PRKN: variants seen among roughly 807,000 people sequenced by gnomAD.
PRKN encodes parkin RBR E3 ubiquitin protein ligase.
Under a neutral mutation model 59.5 loss-of-function variants are expected in PRKN, and 56 were observed. The observed-to-expected ratio is 0.94, with a 90% CI of 0.76 to 1.18. PRKN has a LOEUF of 1.18. Ranked by LOEUF, PRKN falls within the 50% of genes most tolerant of loss-of-function variation. PRKN has a pLI of 0.00. For synonymous variants in PRKN, 250 were observed against 222.1 expected (o/e 1.13, Z -1.12); for missense variants, 657 against 596.4 (o/e 1.10, Z -1.06).
rs763594634 is a variant in PRKN, at chr6:161,533,957, G to C, written c.1083+14897C>G. Among the ~76,000 whole-genome samples, 2 of 152,096 alleles carry C rather than the reference G, an allele frequency of 1.3e-5. No individual in the cohort carries two copies. Among genetic ancestry groups the C allele is most frequent in the Non-Finnish European group, 1.5e-5 (1 of 68,034 alleles). On this transcript the variant is annotated intron_variant, in intron 9 of 11. Transcript: ENST00000366898. The surrounding 1 kb of genome is among the most constrained non-coding windows in gnomAD (Gnocchi z 4.1). ...TATTCACACGACACTCGCCGTCACA[G>C]TGGTCTCTGTGACTTCAGTGAACCC...
At chr6:161,885,678 A>G (rs1460117004) in intron 6 of PRKN, among the ~76,000 whole-genome samples, 1 of 151,340 alleles carries the variant, frequency 6.6e-6, no homozygotes, top group Non-Finnish European at 1.5e-5. Context: ...AAAAAAAAAA[A>G]AAAAAGAATG....
intron 7 of PRKN, among the ~76,000 whole-genome samples, chr6:161,646,912 C>A (rs1783977208): frequency 6.6e-6 from 1 of 152,122 alleles, no homozygotes; most frequent in Admixed American, 6.5e-5. Flanking sequence ...CTAAATTTGG[C>A]CCCTGTAGGA....
At chr6:161,719,206 C>T (rs148676038) in intron 7 of PRKN, among the ~76,000 whole-genome samples, 72 of 149,984 alleles carry the variant, frequency 4.8e-4, no homozygotes, top group African/African-American at 1.7e-3. Context: ...GTTGTGCTGA[C>T]AGTCTTCATT....
chr6:162,209,914 A>G (rs1033782096), intron 3 of PRKN, among the ~76,000 whole-genome samples: 5 of 151,226 alleles, frequency 3.3e-5, no homozygotes, highest in African/African-American at 7.3e-5. Flanking sequence ...CAATGAGAAC[A>G]CTTGGATGCA....
chr6:162,072,282 C>T (rs929657424), intron 4 of PRKN, among the ~76,000 whole-genome samples: 67 of 151,566 alleles, frequency 4.4e-4, no homozygotes, highest in African/African-American at 1.5e-3. Flanking sequence ...AGCGAGACTC[C>T]GTCCAAAAAA....
chr6:161,639,049 C>A (rs575658473), intron 7 of PRKN, among the ~76,000 whole-genome samples: 1 of 152,096 alleles, frequency 6.6e-6, no homozygotes, highest in Non-Finnish European at 1.5e-5. Context: ...GCCGATCTGA[C>A]GGTTTTTCCC....
Position 161,357,733 on chromosome 6 carries a change from A to G in PRKN, c.1285+2355T>C, listed in dbSNP as rs114665143. ...CACACATTTGTTTCAAAACAGACAT[A>G]TGTGCCACTTGCTTTGAAATTCTGA... On this transcript the variant is annotated intron_variant, in intron 11 of 11. Transcript: ENST00000366898. The surrounding 1 kb of genome is among the most constrained non-coding windows in gnomAD (Gnocchi z 5.5). Among the ~76,000 whole-genome samples the G allele has an allele frequency of 9.6e-3, 1,468 of 152,326 alleles. 27 individuals carry two copies. Among genetic ancestry groups the G allele is most frequent in the African/African-American group, 0.034 (1,407 of 41,562 alleles).
intron 1 of PRKN, among the ~76,000 whole-genome samples, chr6:162,682,259 A>G (rs1244332959): frequency 1.3e-5 from 2 of 152,048 alleles, no homozygotes; most frequent in African/African-American, 2.4e-5. Context: ...GTATTATTAT[A>G]TATCCCAAAG....
chr6:162,569,246 C>T, intron 1 of PRKN: 1 of 580,192 alleles, frequency 1.7e-6, no homozygotes, highest in Non-Finnish European at 3.2e-6. Context: ...GACTGAGGGC[C>T]TCAAAAGCCA....
At chr6:161,647,301 G>A (rs1251228018) in intron 7 of PRKN, among the ~76,000 whole-genome samples, 1 of 152,222 alleles carries the variant, frequency 6.6e-6, no homozygotes, top group African/African-American at 2.4e-5. Context: ...GTCTGATAGG[G>A]CATGACAGGG....
chr6:162,594,105 G>T (rs1781408093), intron 1 of PRKN, among the ~76,000 whole-genome samples: 1 of 151,992 alleles, frequency 6.6e-6, no homozygotes, highest in Admixed American at 6.6e-5. Flanking sequence ...AGCAGAGATT[G>T]TACCACTGCA....
chr6:162,701,685 A>G (rs926713347), intron 1 of PRKN, among the ~76,000 whole-genome samples: 5 of 151,192 alleles, frequency 3.3e-5, no homozygotes, highest in African/African-American at 1.2e-4. Context: ...AGCTTTCTTC[A>G]CTCTCTTTTT....
intron 2 of PRKN, among the ~76,000 whole-genome samples, chr6:162,398,601 G>A (rs914080530): frequency 2.0e-5 from 3 of 152,066 alleles, no homozygotes; most frequent in African/African-American, 7.2e-5. Context: ...AGTTGGCCAG[G>A]CTGGTTTTGA....
chr6:161,648,867 G>C (rs1784053163), intron 7 of PRKN, among the ~76,000 whole-genome samples: 1 of 152,166 alleles, frequency 6.6e-6, no homozygotes, highest in African/African-American at 2.4e-5. Flanking sequence ...AAATCCTCCA[G>C]AGTATGCAGA....
chr6:161,809,358 C>G (rs1791468952), intron 6 of PRKN, among the ~76,000 whole-genome samples: 1 of 151,888 alleles, frequency 6.6e-6, no homozygotes, highest in South Asian at 2.1e-4. Flanking sequence ...GGATTCTGGA[C>G]TTGCATTTAT....
intron 3 of PRKN, among the ~76,000 whole-genome samples, chr6:162,250,379 C>A (rs1779384844): frequency 6.6e-6 from 1 of 152,062 alleles, no homozygotes; most frequent in African/African-American, 2.4e-5. Context: ...AACAGATAAC[C>A]CCAAAGTCAA....
chr6:162,358,717 T>A lies in PRKN; in HGVS notation c.171+84593A>T, dbSNP rs534500553. 2.0e-5 allele frequency among the ~76,000 whole-genome samples: 3 copies of A among 152,142 alleles called. No homozygotes were observed. In the South Asian group the frequency reaches 6.2e-4, roughly 32 times the overall value. ...TATCATAAAGTGTCTCCTATCCCTA[T>A]CTTATCATTTTAGATTTTTTTCTCC... On this transcript the variant is annotated intron_variant, in intron 2 of 11. Transcript: ENST00000366898.
intron 7 of PRKN, among the ~76,000 whole-genome samples, chr6:161,752,679 C>G (rs1045193611): frequency 4.6e-5 from 7 of 152,152 alleles, no homozygotes; most frequent in African/African-American, 1.7e-4. Context: ...GGTAACACAG[C>G]AAGACCCCGT....
In PRKN at chr6:161,548,982, C is replaced by T. The variant is rs759364763; in HGVS notation, c.955G>A (p.Gly319Ser). The T allele has an allele frequency of 6.2e-7, 1 of 1,614,208 alleles. No individual in the cohort carries two copies. Among genetic ancestry groups the T allele is most frequent in the Non-Finnish European group, 8.5e-7 (1 of 1,180,042 alleles). The change falls in exon 9 of 12, where the codon GGT becomes AGT. Residue 319 changes from glycine (G) to serine (S), a missense_variant. Gly to Ser is a moderately conservative substitution (Grantham distance 56). Coordinates refer to ENST00000366898, the MANE Select transcript of PRKN (RefSeq NM_004562.3). The surrounding 1 kb of genome is among the most constrained non-coding windows in gnomAD (Gnocchi z 4.2). Reference sequence around the variant, plus strand: ...ATCTGCAGGACACACTCCTCTGCACCATACTGCTGGTACCGGTTGTACTGC... The same window carrying T: ...ATCTGCAGGACACACTCCTCTGCACTATACTGCTGGTACCGGTTGTACTGC... ...EEQYNRYQQY[G>S]AEECVLQMGG...
Sources: allele counts gnomAD v4.1 joint callset (sites outside exome capture counted in the v4.1 genomes callset), GRCh38; gene constraint gnomAD v4.1.1; non-coding constraint Gnocchi (gnomAD v3.1); transcripts MANE v1.5; gene names NCBI Gene and HGNC (gene_info 2026-07-23, HGNC 2026-07-21).